RIMS2: variants seen among roughly 807,000 people sequenced by gnomAD.
RIMS2 encodes the protein regulating synaptic membrane exocytosis protein 2.
In RIMS2, 59 loss-of-function variants were observed where a neutral mutation model predicts 174.4. That is an observed-to-expected ratio of 0.34 (90% CI 0.27 to 0.42). The LOEUF (loss-of-function observed/expected upper bound fraction) is 0.42, where lower values mean the gene tolerates loss of function less well. Ranked by LOEUF, RIMS2 falls within the 10% of genes least tolerant of loss-of-function variation. RIMS2 has a pLI of 1.00. For missense variants in RIMS2, 1,620 were observed against 1,666.3 expected (o/e 0.97, Z 0.48); for synonymous variants, 606 against 572.5 (o/e 1.06, Z -0.84).
intron 1 of RIMS2, chr8:103,568,694 G>A: frequency 1.4e-6 from 1 of 737,790 alleles, no homozygotes; most frequent in Non-Finnish European, 2.4e-6. Flanking sequence ...CAGCTTCATG[G>A]TTTTGTTCTT....
intron 1 of RIMS2, among the ~76,000 whole-genome samples, chr8:103,632,487 C>T (rs891513159): frequency 2.0e-5 from 3 of 151,942 alleles, no homozygotes; most frequent in African/African-American, 7.3e-5. Context: ...GTGGTGTGAT[C>T]TCGGCTCACT....
downstream of RIMS2, chr8:104,255,040 C>T (rs1358807972): frequency 2.0e-5 from 3 of 152,248 alleles, 1 homozygote; most frequent in African/African-American, 4.8e-5. Flanking sequence ...TGGGAGTCTG[C>T]TTCAGGTTTG....
chr8:103,956,407 A>AT (rs1214140500), intron 14 of RIMS2, among the ~76,000 whole-genome samples: 5 of 152,214 alleles, frequency 3.3e-5, no homozygotes, highest in Admixed American at 6.5e-5. Flanking sequence ...ACAGATATAT[A>AT]GACCAATGGG....
intron 19 of RIMS2, among the ~76,000 whole-genome samples, chr8:104,211,865 G>A (rs2099106919): frequency 6.6e-6 from 1 of 152,182 alleles, no homozygotes; most frequent in Non-Finnish European, 1.5e-5. Flanking sequence ...TATCTTGGGG[G>A]CAAGAGTGAA....
At chr8:103,611,447 T>C (rs2134204221) in intron 1 of RIMS2, among the ~76,000 whole-genome samples, 1 of 152,308 alleles carries the variant, frequency 6.6e-6, no homozygotes, top group African/African-American at 2.4e-5. Context: ...ATTTGTGTTT[T>C]TCAGATTCAA....
intron 2 of RIMS2, among the ~76,000 whole-genome samples, chr8:103,706,583 A>G (rs753152573): frequency 2.0e-5 from 3 of 151,994 alleles, no homozygotes; most frequent in Non-Finnish European, 2.9e-5. Context: ...CTCTGTTGCA[A>G]ATTTTTCCTC....
chr8:104,054,123 T>C (rs1201285171), intron 19 of RIMS2, among the ~76,000 whole-genome samples: 1 of 152,170 alleles, frequency 6.6e-6, no homozygotes, highest in African/African-American at 2.4e-5. Flanking sequence ...TCTCCTAGTC[T>C]GTCCTGATGT....
chr8:103,757,761 T>C (rs1196776678), intron 2 of RIMS2, among the ~76,000 whole-genome samples: 1 of 152,216 alleles, frequency 6.6e-6, no homozygotes, highest in East Asian at 1.9e-4. Context: ...CATATGTATC[T>C]GTGCACAAAC....
At chr8:103,543,331 A>G (rs1310872743) in intron 1 of RIMS2, among the ~76,000 whole-genome samples, 2 of 152,186 alleles carry the variant, frequency 1.3e-5, no homozygotes, top group African/African-American at 2.4e-5. Flanking sequence ...GTACACGGAA[A>G]AGTATAAAAC....
At chr8:104,150,648 T>A (rs1325693188) in intron 19 of RIMS2, among the ~76,000 whole-genome samples, 1 of 152,152 alleles carries the variant, frequency 6.6e-6, no homozygotes, top group East Asian at 1.9e-4. Context: ...CATAGATCCA[T>A]GATATGTGCA....
intron 19 of RIMS2, among the ~76,000 whole-genome samples, chr8:104,188,081 TG>T (rs1454590370): frequency 6.6e-6 from 1 of 151,708 alleles, no homozygotes; most frequent in African/African-American, 2.4e-5. Context: ...AGTATGAGAA[TG>T]GATGTAGCCT....
At chr8:103,885,471 T>C (rs2099194686) in exon 4 of RIMS2, 1 of 1,612,700 alleles carries the variant, frequency 6.2e-7, no homozygotes, top group Non-Finnish European at 8.5e-7. Flanking sequence ...TCTGATCATT[T>C]AAGTTATAGG....
Position 103,500,777 on chromosome 8 carries a change from TTGTA to T in RIMS2, c.-104_-101del. The T allele has an allele frequency of 3.4e-6, 2 of 592,640 alleles. No individual in the cohort carries two copies. Among genetic ancestry groups the T allele is most frequent in the Non-Finnish European group, 5.8e-6 (2 of 342,260 alleles). 36.7% of individuals were successfully genotyped at this position (592,640 alleles called of 1,614,324 possible). A position where few individuals can be genotyped will look rare whatever the true frequency, so the allele number is the denominator to read the frequency against. On this transcript the variant is annotated 5_prime_UTR_variant, in exon 1 of 24. The change abolishes an upstream ATG in the 5' untranslated region. Transcript: ENST00000504942. ...TCGCCTTGGATTGAAGGCCATTGAT[TTGTA>T]TGTATTTGTCCCAGCGCTGGAGGCT... is the stretch of plus-strand genomic sequence containing the variant.
At chr8:104,115,720 T>C (rs1344533308) in intron 19 of RIMS2, among the ~76,000 whole-genome samples, 1 of 152,008 alleles carries the variant, frequency 6.6e-6, no homozygotes, top group Non-Finnish European at 1.5e-5. Context: ...GTAATATAAG[T>C]GATTGAAGTA....
chr8:103,527,689 T>C (rs200043178), intron 1 of RIMS2, among the ~76,000 whole-genome samples: 54 of 152,240 alleles, frequency 3.5e-4, no homozygotes, highest in African/African-American at 1.3e-3. Flanking sequence ...TGGTTTCCAG[T>C]TTCATCCATG....
intron 1 of RIMS2, among the ~76,000 whole-genome samples, chr8:103,537,254 T>C (rs1840260574): frequency 6.6e-6 from 1 of 152,212 alleles, no homozygotes; most frequent in Admixed American, 6.5e-5. Context: ...TTAACAGTGA[T>C]TATATTGTAA....
intron 1 of RIMS2, chr8:103,568,921 CA>C (rs2132262250): frequency 1.1e-6 from 1 of 909,566 alleles, no homozygotes; most frequent in East Asian, 2.8e-5. Flanking sequence ...ACATCAGTGG[CA>C]TTGCAAAACT....
intron 1 of RIMS2, among the ~76,000 whole-genome samples, chr8:103,562,412 A>G (rs2091733835): frequency 6.6e-6 from 1 of 152,250 alleles, no homozygotes; most frequent in South Asian, 2.1e-4. Context: ...CTGAAATCCA[A>G]CAGGGCAGTC....
At chr8:103,540,224 G>A (rs1457701159) in intron 1 of RIMS2, among the ~76,000 whole-genome samples, 1 of 152,194 alleles carries the variant, frequency 6.6e-6, no homozygotes, top group African/African-American at 2.4e-5. Flanking sequence ...ACCAACATGA[G>A]TGGGCTCATA....
Sources: allele counts gnomAD v4.1 joint callset (sites outside exome capture counted in the v4.1 genomes callset), GRCh38; gene constraint gnomAD v4.1.1; transcripts MANE v1.5; gene names NCBI Gene and HGNC (gene_info 2026-07-23, HGNC 2026-07-21).